The following STAU2 variants were observed in gnomAD, a reference collection of about 807,000 sequenced individuals.
The protein encoded by STAU2 is double-stranded RNA-binding protein Staufen homolog 2.
A neutral mutation model predicts 65.9 loss-of-function variants in STAU2; 20 were observed. The ratio of observed to expected loss-of-function variants is 0.30; its 90% CI spans 0.21 to 0.44. The LOEUF (loss-of-function observed/expected upper bound fraction) is 0.44. Ranked by LOEUF, STAU2 falls within the 20% of genes least tolerant of loss-of-function variation. The probability of loss-of-function intolerance (pLI) is 1.00; values close to 1 mark genes in which losing one functional copy is unlikely to be tolerated. For synonymous variants in STAU2, 232 were observed against 233.9 expected (o/e 0.99, Z 0.07); for missense variants, 558 against 683.9 (o/e 0.82, Z 2.05).
intron 5 of STAU2, among the ~76,000 whole-genome samples, chr8:73,676,095 GC>G (rs1818011938): frequency 6.6e-6 from 1 of 151,964 alleles, no homozygotes; most frequent in Admixed American, 6.6e-5. Flanking sequence ...AAGGGAGAAA[GC>G]AAAACAGTTC....
chr8:73,516,185 C>T (rs544882059), intron 13 of STAU2, among the ~76,000 whole-genome samples: 1 of 152,078 alleles, frequency 6.6e-6, no homozygotes, highest in South Asian at 2.1e-4. Flanking sequence ...AGCAGTCTGC[C>T]CACCTTGGCC....
chr8:73,643,581 T>C (rs374090015), intron 6 of STAU2, among the ~76,000 whole-genome samples: 1 of 152,224 alleles, frequency 6.6e-6, no homozygotes, highest in East Asian at 1.9e-4. Context: ...CCTCTGACAA[T>C]ATCAATTTAA....
intron 13 of STAU2, among the ~76,000 whole-genome samples, chr8:73,501,966 A>AGT (rs1821782936): frequency 6.6e-6 from 1 of 151,906 alleles, no homozygotes; most frequent in South Asian, 2.1e-4. Flanking sequence ...TGGGGGTAGG[A>AGT]GTGTGTGTGC....
intron 11 of STAU2, among the ~76,000 whole-genome samples, chr8:73,584,710 T>A (rs1810239170): frequency 1.3e-5 from 2 of 151,768 alleles, no homozygotes; most frequent in African/African-American, 4.8e-5. Context: ...CATCTAAGAA[T>A]GAAAAGAAAA....
At chr8:73,673,055 A>G in intron 6 of STAU2, 52 bp downstream of exon 6, 1 of 1,436,506 alleles carries the variant, frequency 7.0e-7, no homozygotes, top group Non-Finnish European at 9.2e-7. Flanking sequence ...AGAAACTTTT[A>G]TAACATGGAT....
chr8:73,548,226 C>T (rs1807072725), intron 13 of STAU2, among the ~76,000 whole-genome samples: 1 of 150,018 alleles, frequency 6.7e-6, no homozygotes, highest in Non-Finnish European at 1.5e-5. Context: ...TTGTATTGAT[C>T]TCCTAACAAA....
At chr8:73,440,068 G>A (rs2128889581) in intron 13 of STAU2, 1 of 152,340 alleles carries the variant, frequency 6.6e-6, no homozygotes, top group Admixed American at 6.5e-5. Context: ...TCTTAATATG[G>A]GAAGACCAGA....
chr8:73,527,512 C>A, intron 13 of STAU2: 6 of 436,778 alleles, frequency 1.4e-5, no homozygotes, highest in South Asian at 6.3e-5. Context: ...TAATTTAAAT[C>A]TACTATGATA....
chr8:73,651,707 G>A (rs77482258), intron 6 of STAU2: 6,972 of 461,414 alleles, frequency 0.015, 88 homozygotes, highest in Middle Eastern at 0.047. Context: ...CCAAAGCCCA[G>A]GAAGTGGCAT....
chr8:73,564,342 A>G (rs1391645130), intron 12 of STAU2, among the ~76,000 whole-genome samples: 1 of 152,232 alleles, frequency 6.6e-6, no homozygotes, highest in African/African-American at 2.4e-5. Context: ...TTGCAGGGAC[A>G]TGGATGGAGC....
At chr8:73,445,718 C>T (rs1183978282) in intron 13 of STAU2, among the ~76,000 whole-genome samples, 2 of 152,138 alleles carry the variant, frequency 1.3e-5, no homozygotes, top group Non-Finnish European at 1.5e-5. Flanking sequence ...GACATTTCAC[C>T]AAAGAGGATT....
At chr8:73,432,953 T>C (rs1312648601) in intron 13 of STAU2, among the ~76,000 whole-genome samples, 2 of 152,192 alleles carry the variant, frequency 1.3e-5, no homozygotes, top group Non-Finnish European at 2.9e-5. Flanking sequence ...GGGGAATTCA[T>C]TTAAAATCGA....
intron 13 of STAU2, among the ~76,000 whole-genome samples, chr8:73,456,579 C>A (rs1366208143): frequency 5.9e-5 from 9 of 151,824 alleles, no homozygotes; most frequent in Non-Finnish European, 1.3e-4. Context: ...AGGGAGGGGG[C>A]AGAACAGTCC....
intron 13 of STAU2, among the ~76,000 whole-genome samples, chr8:73,502,619 C>T (rs1821825605): frequency 1.3e-5 from 2 of 151,984 alleles, no homozygotes; most frequent in South Asian, 4.1e-4. Flanking sequence ...TTCTCTATTG[C>T]CTAGAGGGAG....
intron 3 of STAU2, among the ~76,000 whole-genome samples, chr8:73,730,436 A>G (rs1470708182): frequency 1.3e-5 from 2 of 152,210 alleles, no homozygotes; most frequent in Non-Finnish European, 2.9e-5. Context: ...TTAAAAGAAT[A>G]TATATTTTGG....
At chr8:73,617,509 T>G in intron 6 of STAU2, 58 bp from the exon 7 acceptor site, 1 of 1,502,824 alleles carries the variant, frequency 6.7e-7, no homozygotes, top group Non-Finnish European at 9.1e-7. Context: ...CTATAATCAT[T>G]CATAAGATTT....
intron 13 of STAU2, among the ~76,000 whole-genome samples, chr8:73,525,024 A>G (rs1415617229): frequency 6.6e-6 from 1 of 152,106 alleles, no homozygotes; most frequent in African/African-American, 2.4e-5. Context: ...AGGGAGCCCA[A>G]ATATCCAAGA....
chr8:73,552,773 C>G (rs6985706), intron 12 of STAU2, among the ~76,000 whole-genome samples: 3 of 152,148 alleles, frequency 2.0e-5, no homozygotes, highest in African/African-American at 7.2e-5. Context: ...GAGGTACAAA[C>G]GCATGTATTC....
intron 13 of STAU2, among the ~76,000 whole-genome samples, chr8:73,461,794 C>A (rs1188788529): frequency 6.6e-6 from 1 of 152,082 alleles, no homozygotes; most frequent in East Asian, 1.9e-4. Flanking sequence ...AAACTCAGAG[C>A]CTGCAGGGAT....
Sources: gnomAD v4.1 joint callset for allele counts (sites outside exome capture counted in the v4.1 genomes callset) on GRCh38, gnomAD v4.1.1 for gene constraint, MANE v1.5 for transcripts, NCBI Gene and HGNC (gene_info 2026-07-23, HGNC 2026-07-21) for gene names.